FOCAD: variants seen among roughly 807,000 people sequenced by gnomAD.
FOCAD encodes KIAA1797.
A neutral mutation model predicts 225.6 loss-of-function variants in FOCAD; 198 were observed. The ratio of observed to expected loss-of-function variants is 0.88; its 90% CI spans 0.78 to 0.99. The LOEUF is 0.99. Ranked by LOEUF, FOCAD falls within the 50% of genes least tolerant of loss-of-function variation. The pLI, the probability that FOCAD is intolerant of heterozygous loss-of-function variation, is 0.00. For synonymous variants in FOCAD, 897 were observed against 755.0 expected (o/e 1.19, Z -3.08); for missense variants, 2,713 against 2,123.6 (o/e 1.28, Z -5.46).
intron 41 of FOCAD, among the ~76,000 whole-genome samples, chr9:20,989,480 G>C (rs1248773343): frequency 1.3e-5 from 2 of 152,058 alleles, no homozygotes; most frequent in Non-Finnish European, 2.9e-5. Context: ...TGATTGTCTA[G>C]ATTAGTCTGA....
chr9:20,848,559 G>GTTA (rs533637506), intron 15 of FOCAD, among the ~76,000 whole-genome samples: 73 of 152,064 alleles, frequency 4.8e-4, no homozygotes, highest in African/African-American at 1.6e-3. Flanking sequence ...AGAGACAAGA[G>GTTA]GGTAAGCTAA....
chr9:20,831,863 C>T (rs1007991146), intron 15 of FOCAD, among the ~76,000 whole-genome samples: 1 of 152,078 alleles, frequency 6.6e-6, no homozygotes, highest in African/African-American at 2.4e-5. Flanking sequence ...CCAATCCTCC[C>T]ATACCTCCCT....
chr9:20,983,324 A>C (rs1454756457), intron 39 of FOCAD, among the ~76,000 whole-genome samples: 1 of 152,190 alleles, frequency 6.6e-6, no homozygotes, highest in South Asian at 2.1e-4. Context: ...CTGTAATCCC[A>C]GCACTTTGGG....
At chr9:20,967,589 A>G (rs1839380794) in intron 35 of FOCAD, among the ~76,000 whole-genome samples, 1 of 152,132 alleles carries the variant, frequency 6.6e-6, no homozygotes, top group Non-Finnish European at 1.5e-5. Context: ...TGTAGAGAAA[A>G]AGCTTTCAGT....
At chr9:20,837,727 A>G (rs2131544244) in intron 15 of FOCAD, among the ~76,000 whole-genome samples, 1 of 152,256 alleles carries the variant, frequency 6.6e-6, no homozygotes, top group South Asian at 2.1e-4. Context: ...TTTATTCAGC[A>G]TGTACTCTCA....
At chr9:20,758,283 CT>C in intron 6 of FOCAD, 92 bp downstream of exon 6, 1 of 785,976 alleles carries the variant, frequency 1.3e-6, no homozygotes, top group Non-Finnish European at 2.0e-6. Context: ...TTGTTTGTTT[CT>C]TTTTAGCTGC....
At chr9:20,964,299 G>A (rs1025288367) in intron 35 of FOCAD, among the ~76,000 whole-genome samples, 9 of 152,084 alleles carry the variant, frequency 5.9e-5, no homozygotes, top group African/African-American at 1.7e-4. Context: ...CCTGGGTGGC[G>A]GAGTGAGCCA....
intron 20 of FOCAD, among the ~76,000 whole-genome samples, chr9:20,883,021 G>T (rs997644493): frequency 2.6e-5 from 4 of 152,150 alleles, no homozygotes; most frequent in African/African-American, 7.2e-5. Flanking sequence ...TCCTGATTAG[G>T]TTGAGGTAAT....
chr9:20,868,204 T>G (rs1286812559), intron 18 of FOCAD, among the ~76,000 whole-genome samples: 1 of 152,116 alleles, frequency 6.6e-6, no homozygotes, highest in Non-Finnish European at 1.5e-5. Flanking sequence ...ACATGTAAAT[T>G]TCATATGCAA....
intron 4 of FOCAD, among the ~76,000 whole-genome samples, 197 bp downstream of exon 4, chr9:20,720,731 G>A (rs1825710005): frequency 2.0e-5 from 3 of 152,144 alleles, no homozygotes; most frequent in Non-Finnish European, 4.4e-5. Flanking sequence ...GTGGTCATTT[G>A]CGGTACTTAA....
chr9:20,894,953 C>G (rs912482944), intron 21 of FOCAD, among the ~76,000 whole-genome samples: 27 of 152,002 alleles, frequency 1.8e-4, no homozygotes, highest in African/African-American at 6.5e-4. Flanking sequence ...TGTTACAGTA[C>G]TGTGTTTTAC....
intron 1 of FOCAD, among the ~76,000 whole-genome samples, chr9:20,691,609 G>T (rs895472534): frequency 2.0e-4 from 31 of 151,692 alleles, no homozygotes; most frequent in African/African-American, 6.6e-4. Flanking sequence ...AGCCTCCTGA[G>T]TAGCTGGGAC....
At chr9:20,983,723 A>T (rs900405891) in intron 39 of FOCAD, among the ~76,000 whole-genome samples, 14 of 152,176 alleles carry the variant, frequency 9.2e-5, no homozygotes, top group Admixed American at 7.9e-4. Context: ...TTTGCTAGCA[A>T]TGCGATCTTG....
chr9:20,920,576 A>G (rs1444311257), intron 24 of FOCAD, among the ~76,000 whole-genome samples: 9 of 10,312 alleles, frequency 8.7e-4, no homozygotes, highest in African/African-American at 1.2e-3. Flanking sequence ...ATGTCCAACA[A>G]TGATAGACTG....
chr9:20,906,996 A>C (rs184303075), intron 21 of FOCAD, among the ~76,000 whole-genome samples, 154 bp from the exon 22 acceptor site: 2 of 152,132 alleles, frequency 1.3e-5, no homozygotes, highest in African/African-American at 4.8e-5. Context: ...GGAATATCCA[A>C]AAGATATTAT....
intron 35 of FOCAD, among the ~76,000 whole-genome samples, chr9:20,964,693 G>A (rs965560312): frequency 6.6e-6 from 1 of 151,962 alleles, no homozygotes; most frequent in African/African-American, 2.4e-5. Context: ...ATGCCACCAC[G>A]CCCAGCTAAT....
rs1158222734 is a variant in FOCAD, at chr9:20,823,227, C to A, written c.1920+112C>A. The A allele has an allele frequency of 3.3e-6, 4 of 1,215,792 alleles. No individual in the cohort carries two copies. The Admixed American group carries it at 1.1e-4, about 33-fold the overall frequency. The allele number at this position is 1,215,792 out of a possible 1,614,324, so 75.3% of individuals were successfully genotyped here. A position where few individuals can be genotyped will look rare whatever the true frequency, so the allele number is the denominator to read the frequency against. On this transcript the variant is annotated intron_variant, in intron 15 of 43. Transcript: ENST00000338382. Reference sequence around the variant, plus strand: ...ATAACTGAAGTCTGAGTGTTCATTCCCAGTGAATTTTTTCTTGGAAAAGTG... The same window carrying A: ...ATAACTGAAGTCTGAGTGTTCATTCACAGTGAATTTTTTCTTGGAAAAGTG...
intron 2 of FOCAD, among the ~76,000 whole-genome samples, chr9:20,668,412 C>A: frequency 1.3e-5 from 2 of 152,186 alleles, no homozygotes; most frequent in African/African-American, 4.8e-5. Flanking sequence ...GCTTTATTTA[C>A]TAGCATTATT....
chr9:20,697,498 A>G (rs1042971632), intron 1 of FOCAD, among the ~76,000 whole-genome samples: 1 of 152,164 alleles, frequency 6.6e-6, no homozygotes. Flanking sequence ...ACTAGCCAAC[A>G]CTGGTGTCCT....
Sources: allele counts gnomAD v4.1 joint callset (sites outside exome capture counted in the v4.1 genomes callset), GRCh38; gene constraint gnomAD v4.1.1; transcripts MANE v1.5; gene names NCBI Gene and HGNC (gene_info 2026-07-23, HGNC 2026-07-21).